ALK: variants seen among roughly 807,000 people sequenced by gnomAD.
ALK encodes ALK receptor tyrosine kinase.
ALK carries 74 observed loss-of-function variants against 163.1 expected under a neutral mutation model. The observed-to-expected ratio is 0.45, with a 90% CI of 0.38 to 0.55. ALK has a LOEUF of 0.55. ALK is among the 20% of genes least tolerant of loss of function. The probability of loss-of-function intolerance (pLI) is 0.00; values close to 1 mark genes in which losing one functional copy is unlikely to be tolerated. For synonymous variants in ALK, 960 were observed against 843.2 expected (o/e 1.14, Z -2.40); for missense variants, 2,063 against 2,105.3 (o/e 0.98, Z 0.39).
intron 26 of ALK, 70 bp downstream of exon 26, chr2:29,207,101 A>T (rs2148151720): frequency 8.3e-7 from 1 of 1,211,198 alleles, no homozygotes. Context: ...GGCTTAGAGT[A>T]TAGAGTCCTT....
intron 1 of ALK, among the ~76,000 whole-genome samples, chr2:29,909,393 A>G (rs62129829): frequency 0.89 from 134,557 of 151,904 alleles, 59,703 homozygotes; most frequent in East Asian, 1. Context: ...TGGTGTCTAG[A>G]AAGGCTGAAG....
intron 8 of ALK, among the ~76,000 whole-genome samples, chr2:29,313,490 TGCC>T (rs67435667): frequency 0.065 from 9,866 of 152,236 alleles, 363 homozygotes; most frequent in South Asian, 0.1. Flanking sequence ...ATTCTCTATC[TGCC>T]TGCAGAAATG....
At position 29,531,985 on chromosome 2, in the gene ALK, T is replaced by C. The variant is rs1465809492; in HGVS notation, c.1084A>G (p.Ile362Val). The C allele has an allele frequency of 6.2e-7, 1 of 1,614,128 alleles. No homozygotes were observed. Among genetic ancestry groups the C allele is most frequent in the Non-Finnish European group, 8.5e-7 (1 of 1,180,014 alleles). ...TCGTTGTGGGGCAGCAGCTGGGCAA[T>C]GTACCTTCCAGAGGGCTGCAGGTGC... ...HRHLQPSGRY[I>V]AQLLPHNEAA... The change falls in exon 4 of 29, where the codon ATT becomes GTT. Residue 362 changes from isoleucine (I) to valine (V), a missense_variant. By Grantham distance (29) the Ile-to-Val change is conservative. Around this residue, in one of 5 missense-constraint regions of ALK, gnomAD observed 987 missense variants for 939.5 expected, o/e 1.05. Coordinates refer to ENST00000389048, the MANE Select transcript of ALK (RefSeq NM_004304.5).
chr2:29,401,921 G>A (rs7590571), intron 4 of ALK, among the ~76,000 whole-genome samples: 69,726 of 152,164 alleles, frequency 0.46, 18,226 homozygotes, highest in Middle Eastern at 0.59. Flanking sequence ...GGTCTTCAAT[G>A]CCATATTAAA....
chr2:29,869,958 AG>A (rs1666535741), intron 1 of ALK, among the ~76,000 whole-genome samples: 1 of 152,226 alleles, frequency 6.6e-6, no homozygotes, highest in Non-Finnish European at 1.5e-5. Flanking sequence ...ATGGTTATCA[AG>A]AATTTCAAAT....
chr2:29,633,546 A>G (rs574432178), intron 3 of ALK, among the ~76,000 whole-genome samples: 1 of 152,070 alleles, frequency 6.6e-6, no homozygotes, highest in South Asian at 2.1e-4. Context: ...AACTAATAGC[A>G]AGCAGAAGAT....
At chr2:29,913,515 G>A (rs1468457565) in intron 1 of ALK, among the ~76,000 whole-genome samples, 1 of 152,062 alleles carries the variant, frequency 6.6e-6, no homozygotes, top group Non-Finnish European at 1.5e-5. Context: ...AAAGAAGAAG[G>A]ACTCCTTGAT....
rs780649414 is a variant in ALK at position 29,831,241 on chromosome 2, AGAAGAG to A, written c.667+88746_667+88751del. ...AGGAAGAGGAAGAAGAAGAGGAAGA[AGAAGAG>A]GAAGAGGAAGAGGAAGAAGAAGAAG... On this transcript the variant is annotated intron_variant, in intron 1 of 28. Transcript: ENST00000389048. 2.5e-3 allele frequency among the ~76,000 whole-genome samples: 134 copies of A among 52,814 alleles called. 31 individuals are homozygous for A. The highest frequency in any genetic ancestry group is 3.7e-3 in the African/African-American group (53 of 14,304). 34.6% of individuals were successfully genotyped at this position (52,814 alleles called of 152,430 possible).
At chr2:29,449,716 G>C (rs112782045) in intron 4 of ALK, among the ~76,000 whole-genome samples, 1 of 152,236 alleles carries the variant, frequency 6.6e-6, no homozygotes. Context: ...GTGCAGAGGA[G>C]GCTCTTATCT....
At chr2:29,825,048 G>C (rs1196361850) in intron 1 of ALK, among the ~76,000 whole-genome samples, 1 of 152,202 alleles carries the variant, frequency 6.6e-6, no homozygotes, top group African/African-American at 2.4e-5. Context: ...AGGCTCATGA[G>C]ATCTGATGGT....
intron 2 of ALK, among the ~76,000 whole-genome samples, chr2:29,701,364 A>C (rs749490735): frequency 6.6e-6 from 1 of 152,184 alleles, no homozygotes; most frequent in Admixed American, 6.5e-5. Context: ...AACATTGCCC[A>C]GTTTCCAGGT....
At chr2:29,520,023 G>A (rs1326945021) in intron 4 of ALK, among the ~76,000 whole-genome samples, 3 of 152,156 alleles carry the variant, frequency 2.0e-5, no homozygotes, top group African/African-American at 7.2e-5. Context: ...GAGGAATTGG[G>A]GGAAAATTAC....
At chr2:29,702,015 G>C (rs1171690366) in intron 2 of ALK, among the ~76,000 whole-genome samples, 1 of 152,068 alleles carries the variant, frequency 6.6e-6, no homozygotes, top group Non-Finnish European at 1.5e-5. Context: ...GTCTGTGGCT[G>C]CAGTGAGGCA....
chr2:29,208,051 A>G (rs904836022), intron 25 of ALK: 13 of 452,308 alleles, frequency 2.9e-5, no homozygotes, highest in Non-Finnish European at 4.9e-5. Flanking sequence ...GTACTCTGCC[A>G]TGTGCTGAGG....
At chr2:29,584,661 C>T (rs898826038) in intron 3 of ALK, among the ~76,000 whole-genome samples, 2 of 152,234 alleles carry the variant, frequency 1.3e-5, no homozygotes, top group Non-Finnish European at 2.9e-5. Context: ...AGAACTCCTT[C>T]TATAGAATGG....
chr2:29,496,706 G>A (rs1464392820), intron 4 of ALK, among the ~76,000 whole-genome samples: 2 of 152,144 alleles, frequency 1.3e-5, no homozygotes, highest in Non-Finnish European at 2.9e-5. Context: ...TTAGAATAGA[G>A]ATGACAAATA....
chr2:29,863,529 A>C (rs1223962333), intron 1 of ALK, among the ~76,000 whole-genome samples: 1 of 152,200 alleles, frequency 6.6e-6, no homozygotes, highest in Non-Finnish European at 1.5e-5. Context: ...AAATGCTCAC[A>C]TCCACTAACC....
chr2:29,256,352 T>C (rs1664949140), intron 11 of ALK, among the ~76,000 whole-genome samples: 1 of 152,098 alleles, frequency 6.6e-6, no homozygotes, highest in Admixed American at 6.5e-5. Context: ...GCACCTAATA[T>C]AGGCCAGTCA....
chr2:29,797,005 CA>C (rs1664332550), intron 1 of ALK, among the ~76,000 whole-genome samples: 2 of 145,846 alleles, frequency 1.4e-5, no homozygotes, highest in African/African-American at 5.0e-5. Flanking sequence ...CACACCCACA[CA>C]CACACACACA....
Sources: gnomAD v4.1 joint callset for allele counts (sites outside exome capture counted in the v4.1 genomes callset) on GRCh38, gnomAD v4.1.1 for gene constraint, gnomAD v4.1.1 regional missense constraint, MANE v1.5 for transcripts, NCBI Gene and HGNC (gene_info 2026-07-23, HGNC 2026-07-21) for gene names.